Variants in MPPED1 observed in about 807,000 individuals in gnomAD.
MPPED1 encodes metallophosphoesterase domain containing 1.
MPPED1 carries 16 observed loss-of-function variants against 36.2 expected under a neutral mutation model. The ratio of observed to expected loss-of-function variants is 0.44; its 90% CI spans 0.30 to 0.67. The LOEUF is 0.67. MPPED1 is among the 30% of genes least tolerant of loss of function. The pLI, the probability that MPPED1 is intolerant of heterozygous loss-of-function variation, is 0.10. For synonymous variants in MPPED1, 199 were observed against 191.3 expected (o/e 1.04, Z -0.33); for missense variants, 307 against 453.4 (o/e 0.68, Z 2.93).
chr22:43,438,789 G>A (rs919568997), intron 3 of MPPED1, among the ~76,000 whole-genome samples: 12 of 152,242 alleles, frequency 7.9e-5, no homozygotes, highest in African/African-American at 2.6e-4. Context: ...GGACAGCGCT[G>A]GGCCTTGGGT....
intron 4 of MPPED1, among the ~76,000 whole-genome samples, chr22:43,497,935 GTA>G (rs753427064): frequency 1.6e-5 from 2 of 128,362 alleles, no homozygotes. Context: ...ATATGTATAT[GTA>G]TATATATATA....
At chr22:43,465,378 G>C (rs545820760) in intron 3 of MPPED1, among the ~76,000 whole-genome samples, 1 of 152,224 alleles carries the variant, frequency 6.6e-6, no homozygotes, top group Non-Finnish European at 1.5e-5. Context: ...TCCTGTAGCC[G>C]ATCACTTAGG....
At chr22:43,451,282 G>A (rs998314489) in intron 3 of MPPED1, among the ~76,000 whole-genome samples, 4 of 152,136 alleles carry the variant, frequency 2.6e-5, no homozygotes, top group Non-Finnish European at 4.4e-5. Flanking sequence ...TGCAATTACC[G>A]GTGTGAGCCG....
intron 1 of MPPED1, among the ~76,000 whole-genome samples, chr22:43,421,211 CT>C (rs1351012958): frequency 6.6e-6 from 1 of 152,262 alleles, no homozygotes; most frequent in East Asian, 1.9e-4. Flanking sequence ...CGTGGATCGG[CT>C]GCACGGCGGA....
chr22:43,502,598 C>A lies in MPPED1; in HGVS notation c.749-46C>A, dbSNP rs549675103. 6.6e-7 allele frequency: 1 copy of A among 1,511,862 alleles called. No homozygotes were observed. 93.7% of individuals were successfully genotyped at this position (1,511,862 alleles called of 1,614,324 possible). A position where few individuals can be genotyped will look rare whatever the true frequency, so the allele number is the denominator to read the frequency against. Reference sequence around the variant, plus strand: ...CTGCTAGGCGTGGGGCAGTGAGGGGCTGGGACAGACCGCGTCATGGCCTCC... The same window carrying A: ...CTGCTAGGCGTGGGGCAGTGAGGGGATGGGACAGACCGCGTCATGGCCTCC... On this transcript the variant is annotated intron_variant, in intron 5 of 6. Transcript: ENST00000443721. The surrounding 1 kb of genome is among the most constrained non-coding windows in gnomAD (Gnocchi z 5.5).
intron 4 of MPPED1, among the ~76,000 whole-genome samples, chr22:43,483,502 G>A (rs935944417): frequency 4.6e-5 from 7 of 152,252 alleles, no homozygotes; most frequent in Non-Finnish European, 1.0e-4. Flanking sequence ...CCACGCCCTC[G>A]GTGCCTCCTC....
chr22:43,500,200 T>TGGTGGTG (rs1569091709), intron 5 of MPPED1, among the ~76,000 whole-genome samples: 2 of 48,830 alleles, frequency 4.1e-5, no homozygotes, highest in African/African-American at 1.4e-4. Flanking sequence ...ATGGAGGTGG[T>TGGTGGTG]AATGGAGGTG....
intron 4 of MPPED1, among the ~76,000 whole-genome samples, chr22:43,495,536 GAGA>G (rs1215957900): frequency 5.7e-5 from 6 of 104,952 alleles, no homozygotes; most frequent in Non-Finnish European, 1.2e-4. Flanking sequence ...GGTGGTGGTG[GAGA>G]TGGTGGTGGT....
intron 1 of MPPED1, among the ~76,000 whole-genome samples, chr22:43,419,597 G>A (rs1929192480): frequency 6.6e-6 from 1 of 152,192 alleles, no homozygotes; most frequent in Non-Finnish European, 1.5e-5. Flanking sequence ...CCTGAGGGCG[G>A]CAGCTGCTCT....
rs1016188175 is a variant in MPPED1 at position 43,502,957 on chromosome 22, A to C, written c.862+200A>C. On this transcript the variant is annotated intron_variant, in intron 6 of 6. Coordinates refer to ENST00000443721, the MANE Select transcript of MPPED1 (RefSeq NM_001044370.2). The surrounding 1 kb of genome is among the most constrained non-coding windows in gnomAD (Gnocchi z 5.5). ...TTAATAATAGGAAGATGATCACAAC[A>C]TCCTGCATGACTTAGGGGGTAAATT... 6.6e-6 allele frequency among the ~76,000 whole-genome samples: 1 copy of C among 152,140 alleles called. No individual in the cohort carries two copies. The highest frequency in any genetic ancestry group is 2.4e-5 in the African/African-American group (1 of 41,418).
At chr22:43,443,216 G>A (rs1447816167) in intron 3 of MPPED1, among the ~76,000 whole-genome samples, 1 of 152,244 alleles carries the variant, frequency 6.6e-6, no homozygotes, top group African/African-American at 2.4e-5. Context: ...CTGCTGCACA[G>A]TGGAGGCCTG....
chr22:43,419,652 A>G (rs1180346869), intron 1 of MPPED1, among the ~76,000 whole-genome samples: 2 of 149,742 alleles, frequency 1.3e-5, no homozygotes, highest in African/African-American at 2.5e-5. Flanking sequence ...GGCAGAGGTG[A>G]GTTCTAGGAC....
intron 4 of MPPED1, among the ~76,000 whole-genome samples, chr22:43,481,369 C>T (rs188118897): frequency 3.0e-4 from 45 of 152,216 alleles, no homozygotes; most frequent in African/African-American, 7.9e-4. Flanking sequence ...AGTGTAGGAC[C>T]GCCCTGTCTT....
At chr22:43,462,885 G>C (rs1454563212) in intron 3 of MPPED1, among the ~76,000 whole-genome samples, 1 of 151,910 alleles carries the variant, frequency 6.6e-6, no homozygotes, top group Non-Finnish European at 1.5e-5. Context: ...CCTTTTTCTT[G>C]GTTTACTCCC....
chr22:43,446,282 AT>A (rs1451310621), intron 3 of MPPED1, among the ~76,000 whole-genome samples: 3 of 152,190 alleles, frequency 2.0e-5, no homozygotes, highest in African/African-American at 4.8e-5. Context: ...TCCTGAGCAC[AT>A]TTTCTGCACT....
rs1486885174 is a variant in MPPED1 at position 43,435,114 on chromosome 22, C to T, written c.305C>T (p.Thr102Met). The T allele has an allele frequency of 6.8e-6, 11 of 1,613,896 alleles. No homozygotes were observed. The highest frequency in any genetic ancestry group is 2.2e-5 in the East Asian group (1 of 44,882). ...TGCGTCTCTGATACCCACTCGAGGA[C>T]GGACCCCATCCAGATGCCGTACGGC... The part of the protein sequence containing the change: ...FVCVSDTHSR[T>M]DPIQMPYGDV... Residue 102 changes from threonine (T) to methionine (M), a missense_variant, in exon 3 of 7, where the codon ACG (threonine) becomes ATG (methionine). Around this residue, in one of 3 missense-constraint regions of MPPED1, gnomAD observed 169 missense variants for 212.3 expected, o/e 0.80. Coordinates refer to ENST00000443721, the MANE Select transcript of MPPED1 (RefSeq NM_001044370.2).
chr22:43,504,730 A>G (rs1251753353), intron 6 of MPPED1, among the ~76,000 whole-genome samples: 1 of 151,586 alleles, frequency 6.6e-6, no homozygotes. Context: ...GATGATGATA[A>G]TAGGAGCAGT....
At chr22:43,497,935 G>GTATATATATATATATATATATATATA (rs753427064) in intron 4 of MPPED1, among the ~76,000 whole-genome samples, 30 of 128,374 alleles carry the variant, frequency 2.3e-4, no homozygotes, top group Admixed American at 1.3e-3. Context: ...ATATGTATAT[G>GTATATATATATATATATATATATATA]TATATATATA....
chr22:43,452,412 C>T (rs1020493467), intron 3 of MPPED1, among the ~76,000 whole-genome samples: 2 of 152,106 alleles, frequency 1.3e-5, no homozygotes, highest in African/African-American at 4.8e-5. Context: ...TCAATACTCT[C>T]CCCACTGCTG....
Sources: allele counts gnomAD v4.1 joint callset (sites outside exome capture counted in the v4.1 genomes callset), GRCh38; gene constraint gnomAD v4.1.1; regional missense constraint gnomAD v4.1.1; non-coding constraint Gnocchi (gnomAD v3.1); transcripts MANE v1.5; gene names NCBI Gene and HGNC (gene_info 2026-07-23, HGNC 2026-07-21).